ADAMTS1: variants seen among roughly 807,000 people sequenced by gnomAD.
ADAMTS1 encodes A disintegrin and metalloproteinase with thrombospondin motifs 1.
In ADAMTS1, 19 loss-of-function variants were observed where a neutral mutation model predicts 87.9. That is an observed-to-expected ratio of 0.22 (90% CI 0.15 to 0.32). The LOEUF is 0.32. Ranked by LOEUF, ADAMTS1 falls within the 10% of genes least tolerant of loss-of-function variation. The pLI, the probability that ADAMTS1 is intolerant of heterozygous loss-of-function variation, is 1.00. For missense variants in ADAMTS1, 1,240 were observed against 1,259.1 expected, an observed-to-expected ratio of 0.98 and a Z score of 0.23; for synonymous variants, 542 against 501.8, an observed-to-expected ratio of 1.08 and a Z score of -1.07.
chr21:26,843,504 G>GCC, intron 1 of ADAMTS1: 1 of 331,716 alleles, frequency 3.0e-6, no homozygotes, highest in East Asian at 8.0e-5. Context: ...AATAAGCACT[G>GCC]CACAGAGAGA....
intron 3 of ADAMTS1, 45 bp from the exon 4 acceptor site, chr21:26,841,210 G>A (rs767165691): frequency 2.2e-5 from 35 of 1,596,278 alleles, no homozygotes; most frequent in Middle Eastern, 1.9e-4. Flanking sequence ...GATCATGGCT[G>A]GGTGCGGTGG....
intron 2 of ADAMTS1, 82 bp downstream of exon 2, chr21:26,842,257 T>A: frequency 7.4e-7 from 1 of 1,357,408 alleles, no homozygotes; most frequent in Non-Finnish European, 1.0e-6. Context: ...AAAACACTGG[T>A]GAAATGCCTT....
In ADAMTS1 at chr21:26,844,365, G is replaced by A. The variant is rs749859601; in HGVS notation, c.590C>T (p.Thr197Met). The part of the protein sequence containing the change: ...RRNRQGDVGG[T>M]CGVVDDEPRP... ...GGGCTCGTCGTCCACGACCCCGCAC[G>A]TGCCGCCGACGTCGCCCTGCCGATT... The change falls in exon 1 of 9, where the codon ACG (threonine) becomes ATG (methionine). Residue 197 changes from threonine (T) to methionine (M), a missense_variant. Physicochemically the swap from Thr to Met is moderately conservative, Grantham distance 81. Around this residue, in one of 3 missense-constraint regions of ADAMTS1, gnomAD observed 521 missense variants for 449.7 expected, o/e 1.16. Coordinates refer to ENST00000284984, the MANE Select transcript of ADAMTS1 (RefSeq NM_006988.5). 2.5e-6 allele frequency: 4 copies of A among 1,595,830 alleles called. No homozygotes were observed. Among genetic ancestry groups the A allele is most frequent in the East Asian group, 4.6e-5 (2 of 43,320 alleles).
chr21:26,839,563 A>T (rs763779943), intron 7 of ADAMTS1, 24 bp downstream of exon 7: 1 of 1,509,694 alleles, frequency 6.6e-7, no homozygotes, highest in Non-Finnish European at 8.9e-7. Context: ...ATTTTTAGGT[A>T]AAAATAAGGT....
chr21:26,843,780 C>T (rs763333938), intron 1 of ADAMTS1: 1 of 485,062 alleles, frequency 2.1e-6, no homozygotes, highest in Middle Eastern at 3.2e-4. Context: ...CTCTCCACAT[C>T]CGCCCTCCCG....
chr21:26,838,893 T>C, intron 7 of ADAMTS1: 1 of 320,932 alleles, frequency 3.1e-6, no homozygotes, highest in South Asian at 8.1e-5. Flanking sequence ...TGTCACTTTG[T>C]TTACTGCTGT....
intron 1 of ADAMTS1, chr21:26,843,645 G>A (rs1380089032): frequency 3.7e-5 from 17 of 463,606 alleles, no homozygotes; most frequent in South Asian, 2.2e-4. Context: ...TCTGCGAAGG[G>A]GCCCCACCGC....
intron 2 of ADAMTS1, 136 bp downstream of exon 2, chr21:26,842,203 G>A: frequency 9.8e-7 from 1 of 1,021,578 alleles, no homozygotes; most frequent in Middle Eastern, 2.6e-4. Flanking sequence ...CAGTAGAAAT[G>A]AGTAAGATAA....
In ADAMTS1 at chr21:26,844,642, C is replaced by A. The variant is rs199950324; in HGVS notation, c.313G>T (p.Val105Leu). ...GTCTCGGACCCGGATTTGCGCCCCACGTTCTGGAGCGTGAAGCCGGGCGCC... is the reference window on the plus strand; with the variant it reads ...GTCTCGGACCCGGATTTGCGCCCCAAGTTCTGGAGCGTGAAGCCGGGCGCC... ...FLAPGFTLQN[V>L]GRKSGSETPL... Residue 105 changes from valine to leucine, a missense_variant, in exon 1 of 9, where the codon GTG (valine) becomes TTG (leucine). Physicochemically the swap from Val to Leu is conservative, Grantham distance 32. This residue lies in a region of ADAMTS1 where 521 missense variants were observed against 449.7 expected (regional missense o/e 1.16). Coordinates refer to ENST00000284984, the MANE Select transcript of ADAMTS1 (RefSeq NM_006988.5). The A allele has an allele frequency of 1.2e-6, 2 of 1,603,720 alleles. No homozygotes were observed. The highest frequency in any genetic ancestry group is 2.7e-5 in the African/African-American group (2 of 74,832).
Position 26,845,154 on chromosome 21 carries a change from G to A in ADAMTS1, c.-200C>T. The stretch of plus-strand genomic sequence containing the variant: ...GGAGGCGCTGCAGTTCTGCCGGCGC[G>A]CGGGAAGTTTTTCTTCCAGCGCAAA... On this transcript the variant is annotated 5_prime_UTR_variant, in exon 1 of 9. Transcript: ENST00000284984. The A allele has an allele frequency of 2.9e-6, 2 of 697,288 alleles. No individual in the cohort carries two copies. The highest frequency in any genetic ancestry group is 4.0e-6 in the Non-Finnish European group (2 of 495,668). The allele number at this position is 697,288 out of a possible 1,614,324, so 43.2% of individuals were successfully genotyped here.
In ADAMTS1 at chr21:26,844,406, G is replaced by T. The variant is rs370751970; in HGVS notation, c.549C>A (p.Phe183Leu). The T allele has an allele frequency of 3.8e-6, 6 of 1,594,362 alleles. No homozygotes were observed. The highest frequency in any genetic ancestry group is 5.1e-6 in the Non-Finnish European group (6 of 1,171,920). ...PGEKPPAPLQ[F>L]HLLRRNRQGD... ...CCTGCCGATTCCGCCGCAGGAGGTG[G>T]AACTGTAGTGGTGCCGGCGGCTTCT... is the stretch of plus-strand genomic sequence containing the variant. Residue 183 changes from phenylalanine (F) to leucine (L), a missense_variant, in exon 1 of 9, where the codon TTC (phenylalanine) becomes TTA (leucine). By Grantham distance (22) the Phe-to-Leu change is conservative. Around this residue, in one of 3 missense-constraint regions of ADAMTS1, gnomAD observed 521 missense variants for 449.7 expected, o/e 1.16. Transcript: ENST00000284984.
In ADAMTS1 at chr21:26,837,639, A is replaced by G; in HGVS notation, c.2844T>C (p.Cys948=). Residue 948 remains cysteine (C), a synonymous_variant, in exon 9 of 9, where the codon TGT becomes TGC. Coordinates refer to ENST00000284984, the MANE Select transcript of ADAMTS1 (RefSeq NM_006988.5). The part of the protein sequence containing the change: ...HDGGVLSHES[C]DPLKKPKHFI... ...AATGTTTAGGTTTCTTTAAAGGATC[A>G]CAGCTCTCATGAGATAACACCCCTC... The G allele has an allele frequency of 6.2e-7, 1 of 1,614,198 alleles. No individual in the cohort carries two copies. The highest frequency in any genetic ancestry group is 8.5e-7 in the Non-Finnish European group (1 of 1,180,046).
At chr21:26,840,899 G>T in intron 4 of ADAMTS1, 99 bp downstream of exon 4, 1 of 1,380,052 alleles carries the variant, frequency 7.2e-7, no homozygotes, top group Non-Finnish European at 9.9e-7. Flanking sequence ...ATTTTGAAGT[G>T]GGGAAAATAA....
chr21:26,839,845 T>C (rs1985453276), intron 6 of ADAMTS1, 30 bp downstream of exon 6: 1 of 1,606,524 alleles, frequency 6.2e-7, no homozygotes. Flanking sequence ...TTAATCCAGT[T>C]TCTTAAAACC....
In ADAMTS1 at chr21:26,845,294, G is replaced by C. The variant is rs545733121; in HGVS notation, c.-340C>G. The C allele has an allele frequency of 3.9e-6, 1 of 257,518 alleles. No individual in the cohort carries two copies. The highest frequency in any genetic ancestry group is 7.3e-6 in the Non-Finnish European group (1 of 136,540). The allele number at this position is 257,518 out of a possible 1,614,324, so 16.0% of individuals were successfully genotyped here. ...AGATTGGTGCCTGGCGCCCCTCTTC[G>C]GCCTCCGCCTTGGCTGCGATGTTGC... On this transcript the variant is annotated 5_prime_UTR_variant, in exon 1 of 9. Coordinates refer to ENST00000284984, the MANE Select transcript of ADAMTS1 (RefSeq NM_006988.5).
At chr21:26,838,680 G>T in intron 7 of ADAMTS1, 66 bp from the exon 8 acceptor site, 2 of 1,498,518 alleles carry the variant, frequency 1.3e-6, no homozygotes, top group Non-Finnish European at 9.1e-7. Context: ...AATGATAAGT[G>T]TAAACATTTT....
chr21:26,838,611 C>T lies in ADAMTS1; in HGVS notation c.2032G>A (p.Val678Ile), dbSNP rs141888001. 6.1e-5 allele frequency: 99 copies of T among 1,612,056 alleles called. No homozygotes were observed. In the African/African-American group the frequency reaches 1.1e-3, roughly 17 times the overall value. Reference protein sequence around the residue: ...GYFFVLQPKVVDGTPCSPDST... With the variant: ...GYFFVLQPKVIDGTPCSPDST... ...TCTGGGCTACATGGAGTACCATCTA[C>T]AACCTGAAAAAAGGACACATGTCTA... The change falls in exon 8 of 9, where the codon GTA (valine) becomes ATA (isoleucine). Residue 678 changes from valine (V) to isoleucine (I), a missense_variant. Coordinates refer to ENST00000284984, the MANE Select transcript of ADAMTS1 (RefSeq NM_006988.5).
intron 1 of ADAMTS1, chr21:26,843,770 C>T (rs765283353): frequency 2.0e-5 from 10 of 488,900 alleles, no homozygotes; most frequent in Non-Finnish European, 4.1e-5. Flanking sequence ...CTCCTCTGCC[C>T]TCTCCACATC....
chr21:26,844,570 C>CCGAGCTGGGTGCCGAGCTG lies in ADAMTS1; in HGVS notation c.384_385insCAGCTCGGCACCCAGCTCG (p.Val129GlnfsTer99). On this transcript the variant is annotated frameshift_variant, in exon 1 of 9. Transcript: ENST00000284984. LOFTEE classifies it high-confidence loss of function. ...GCAGCCGAGCTGGGATCGCCATTCA[C>CCGAGCTGGGTGCCGAGCTG]GGTGCCGGAGTAGAAGCAGTGCGCC... 6.2e-7 allele frequency: 1 copy of CCGAGCTGGGTGCCGAGCTG among 1,610,782 alleles called. No homozygotes were observed. Among genetic ancestry groups the CCGAGCTGGGTGCCGAGCTG allele is most frequent in the Non-Finnish European group, 8.5e-7 (1 of 1,178,784 alleles).
Sources: allele counts gnomAD v4.1 joint callset, GRCh38; gene constraint gnomAD v4.1.1; regional missense constraint gnomAD v4.1.1; transcripts MANE v1.5; gene names NCBI Gene and HGNC (gene_info 2026-07-23, HGNC 2026-07-21).